The following CNTLN variants were observed in gnomAD, a reference collection of about 807,000 sequenced individuals.
CNTLN encodes centlein, also known as centlein, centrosomal protein.
Under a neutral mutation model 180.0 loss-of-function variants are expected in CNTLN, and 212 were observed. That is an observed-to-expected ratio of 1.18 (90% CI 1.05 to 1.32). CNTLN has a LOEUF of 1.32. Among genes scored for constraint, CNTLN ranks in the 40% most tolerant of loss-of-function variants. The pLI is 0.00. For synonymous variants in CNTLN, 722 were observed against 563.1 expected (o/e 1.28, Z -3.99); for missense variants, 2,095 against 1,610.9 (o/e 1.30, Z -5.14).
intron 13 of CNTLN, among the ~76,000 whole-genome samples, chr9:17,378,235 A>C (rs1157416397): frequency 6.6e-6 from 1 of 152,150 alleles, no homozygotes; most frequent in Non-Finnish European, 1.5e-5. Context: ...GCTGGAATGC[A>C]GTGGCACAAT....
chr9:17,524,849 A>G, the CNTLN span, among the ~76,000 whole-genome samples: 1 of 152,230 alleles, frequency 6.6e-6, no homozygotes, highest in African/African-American at 2.4e-5. Flanking sequence ...AGAGTTACAA[A>G]GAAAAAGAAA....
intron 2 of CNTLN, among the ~76,000 whole-genome samples, chr9:17,192,613 C>A (rs1363487136): frequency 6.6e-6 from 1 of 152,146 alleles, no homozygotes; most frequent in Non-Finnish European, 1.5e-5. Context: ...CTTGCTTAAA[C>A]TCACAGAGCT....
intron 2 of CNTLN, among the ~76,000 whole-genome samples, chr9:17,189,032 G>C (rs956716704): frequency 1.5e-4 from 19 of 130,576 alleles, no homozygotes; most frequent in African/African-American, 3.4e-4. Flanking sequence ...CTTCCATGCA[G>C]TTAAGTTACT....
At chr9:17,463,855 T>A (rs1414165836) in intron 20 of CNTLN, among the ~76,000 whole-genome samples, 2 of 151,540 alleles carry the variant, frequency 1.3e-5, no homozygotes, top group Non-Finnish European at 3.0e-5. Flanking sequence ...AATGAGTTAA[T>A]ACATGTAAAG....
rs561821824 is a variant in CNTLN at position 17,453,227 on chromosome 9, C to T, written c.3115-4297C>T. On this transcript the variant is annotated intron_variant, in intron 18 of 25. Coordinates refer to ENST00000380647, the MANE Select transcript of CNTLN (RefSeq NM_017738.4). Reference sequence around the variant, plus strand: ...GCTCAGGAGGCTGAGGCAGGAGGATCCCTTGAGCCCAGGAGTTTGAGGCTG... The same window carrying T: ...GCTCAGGAGGCTGAGGCAGGAGGATTCCTTGAGCCCAGGAGTTTGAGGCTG... Among the ~76,000 whole-genome samples the T allele has an allele frequency of 3.3e-5, 5 of 152,102 alleles. No homozygotes were observed. In the South Asian group the frequency reaches 1.0e-3, roughly 32 times the overall value.
chr9:17,159,775 T>C lies in CNTLN; in HGVS notation c.449+16399T>C, dbSNP rs543316028. Among the ~76,000 whole-genome samples, 29 of 152,290 alleles carry C rather than the reference T, an allele frequency of 1.9e-4. 2 individuals carry two copies. In the South Asian group the frequency reaches 5.8e-3, roughly 30 times the overall value. ...AGGTGGAAGGAGGCAGTGGTTTTGGTTTAGATACCACAAACATTGCCTTTC... is the reference window on the plus strand; with the variant it reads ...AGGTGGAAGGAGGCAGTGGTTTTGGCTTAGATACCACAAACATTGCCTTTC... On this transcript the variant is annotated intron_variant, in intron 2 of 25. Transcript: ENST00000380647.
Position 17,491,515 on chromosome 9 carries a change from T to C in CNTLN, c.4119+4449T>C, listed in dbSNP as rs183949613. ...TTTACTAAGATTTCTATAAATACCC[T>C]TAGACAGGAATGGCTAGAAAATGTG... On this transcript the variant is annotated intron_variant, in intron 25 of 25. Transcript: ENST00000380647. 3.4e-3 allele frequency among the ~76,000 whole-genome samples: 510 copies of C among 152,212 alleles called. 13 individuals are homozygous for C. The highest frequency in any genetic ancestry group is 1.1e-3 in the Non-Finnish European group (78 of 67,972).
At chr9:17,312,553 A>ATTTTT (rs56915301) in intron 8 of CNTLN, among the ~76,000 whole-genome samples, 31 of 100,364 alleles carry the variant, frequency 3.1e-4, no homozygotes, top group African/African-American at 6.7e-4. Context: ...AGCCCGGCTA[A>ATTTTT]TTTTTTTTTT....
At chr9:17,483,151 T>A (rs1832731801) in intron 23 of CNTLN, among the ~76,000 whole-genome samples, 1 of 152,052 alleles carries the variant, frequency 6.6e-6, no homozygotes, top group Non-Finnish European at 1.5e-5. Context: ...CCCGAATACG[T>A]GAAGAACTCC....
At chr9:17,475,133 T>A (rs1832261258) in intron 23 of CNTLN, among the ~76,000 whole-genome samples, 1 of 152,204 alleles carries the variant, frequency 6.6e-6, no homozygotes, top group African/African-American at 2.4e-5. Flanking sequence ...CTTCCTTATA[T>A]TCAGGTAGTT....
chr9:17,528,583 C>A, the CNTLN span, among the ~76,000 whole-genome samples: 207 of 152,208 alleles, frequency 1.4e-3, no homozygotes, highest in African/African-American at 4.9e-3. Flanking sequence ...GAAGGATATT[C>A]GGTAAAAATA....
At chr9:17,466,674 T>A in intron 22 of CNTLN, 32 bp from the exon 23 acceptor site, 3 of 1,541,780 alleles carry the variant, frequency 1.9e-6, no homozygotes, top group Non-Finnish European at 2.6e-6. Flanking sequence ...TTATAAAATA[T>A]CTTTTATTTT....
intron 18 of CNTLN, among the ~76,000 whole-genome samples, chr9:17,430,300 ATTG>A (rs1829341245): frequency 6.6e-6 from 1 of 151,900 alleles, no homozygotes; most frequent in Non-Finnish European, 1.5e-5. Context: ...ACTCTTTTCA[ATTG>A]TCACCCATTA....
Position 17,281,082 on chromosome 9 carries a change from A to G in CNTLN, c.983+7216A>G, listed in dbSNP as rs1225356496. Among the ~76,000 whole-genome samples, 4 of 152,094 alleles carry G rather than the reference A, an allele frequency of 2.6e-5. No homozygotes were observed. In the East Asian group the frequency reaches 5.8e-4, roughly 22 times the overall value. The stretch of plus-strand genomic sequence containing the variant: ...CCTGCTCTCACAGAGATGTCCTTAC[A>G]TCTTGGCTTTCTATTGGTATTTCAC... On this transcript the variant is annotated intron_variant, in intron 6 of 25. Transcript: ENST00000380647.
chr9:17,377,030 T>C (rs1824832901), intron 13 of CNTLN, among the ~76,000 whole-genome samples: 1 of 152,184 alleles, frequency 6.6e-6, no homozygotes, highest in African/African-American at 2.4e-5. Context: ...AACTTTTTTG[T>C]AAAAGTTTTT....
chr9:17,333,332 A>G (rs1820769386), intron 10 of CNTLN, among the ~76,000 whole-genome samples: 1 of 152,100 alleles, frequency 6.6e-6, no homozygotes, highest in Non-Finnish European at 1.5e-5. Flanking sequence ...TCAATATGCA[A>G]GTTGTTCATA....
At chr9:17,484,598 A>G (rs1384452132) in intron 24 of CNTLN, 118 bp downstream of exon 24, 1 of 778,490 alleles carries the variant, frequency 1.3e-6, no homozygotes, top group South Asian at 2.4e-5. Flanking sequence ...TAATGATGGT[A>G]AGATGGTTAA....
rs1167565556 is a variant in CNTLN, at chr9:17,388,149, T to C, written c.1988-13T>C. On this transcript the variant is annotated splice_polypyrimidine_tract_variant and intron_variant, in intron 13 of 25. Coordinates refer to ENST00000380647, the MANE Select transcript of CNTLN (RefSeq NM_017738.4). ...ACACGTGGTATCATAATATATTATT[T>C]ATTCTCTACCAGAACAGCTCTTTAG... The C allele has an allele frequency of 1.9e-6, 3 of 1,557,906 alleles. No individual in the cohort carries two copies. The highest frequency in any genetic ancestry group is 2.7e-6 in the Non-Finnish European group (3 of 1,131,916).
chr9:17,274,624 T>C (rs1828192486), intron 6 of CNTLN, among the ~76,000 whole-genome samples: 1 of 152,056 alleles, frequency 6.6e-6, no homozygotes, highest in African/African-American at 2.4e-5. Context: ...ATCGAAGATA[T>C]GCTTCTAGAG....
Sources: gnomAD v4.1 joint callset for allele counts (sites outside exome capture counted in the v4.1 genomes callset) on GRCh38, gnomAD v4.1.1 for gene constraint, MANE v1.5 for transcripts, NCBI Gene and HGNC (gene_info 2026-07-23, HGNC 2026-07-21) for gene names.